Variants in SMAP2 observed in about 807,000 individuals in gnomAD.
The protein encoded by SMAP2 is small ArfGAP2.
SMAP2 carries 25 observed loss-of-function variants against 56.4 expected under a neutral mutation model. That is an observed-to-expected ratio of 0.44 (90% CI 0.32 to 0.62). The LOEUF (loss-of-function observed/expected upper bound fraction) is 0.62. SMAP2 is among the 20% of genes least tolerant of loss of function. The probability of loss-of-function intolerance (pLI) is 0.04; values close to 1 mark genes in which losing one functional copy is unlikely to be tolerated. For synonymous variants in SMAP2, 157 were observed against 181.7 expected (o/e 0.86, Z 1.09); for missense variants, 388 against 545.6 (o/e 0.71, Z 2.88).
chr1:40,353,814 C>T (rs1007427857), intron 1 of SMAP2, among the ~76,000 whole-genome samples: 4 of 151,690 alleles, frequency 2.6e-5, no homozygotes, highest in Admixed American at 1.3e-4. Context: ...TGGTCTTGAA[C>T]ATCTGACCTC....
chr1:40,379,635 C>A (rs973352165), intron 1 of SMAP2, among the ~76,000 whole-genome samples: 1 of 149,890 alleles, frequency 6.7e-6, no homozygotes, highest in African/African-American at 2.5e-5. Flanking sequence ...CAAACTCCCC[C>A]TCCCGGGTTC....
At chr1:40,407,300 C>G (rs999705611) in intron 2 of SMAP2, among the ~76,000 whole-genome samples, 1 of 152,082 alleles carries the variant, frequency 6.6e-6, no homozygotes, top group Admixed American at 6.5e-5. Context: ...GCCTGGGCAA[C>G]AGAGTGAGAC....
At chr1:40,393,696 C>T (rs1644741050) in intron 1 of SMAP2, among the ~76,000 whole-genome samples, 1 of 151,950 alleles carries the variant, frequency 6.6e-6, no homozygotes, top group South Asian at 2.1e-4. Flanking sequence ...CAGGCGTGAG[C>T]CACAATGCCT....
chr1:40,409,876 TG>T, intron 4 of SMAP2, 41 bp downstream of exon 4: 2 of 1,258,432 alleles, frequency 1.6e-6, no homozygotes, highest in Non-Finnish European at 1.2e-6. Context: ...CAATAAGTAA[TG>T]TGCTTATTAA....
chr1:40,391,161 G>A (rs770600114), intron 1 of SMAP2, among the ~76,000 whole-genome samples: 6 of 152,182 alleles, frequency 3.9e-5, no homozygotes, highest in Non-Finnish European at 8.8e-5. Context: ...GCCCCTTGAG[G>A]GGAAATCGTT....
At chr1:40,396,999 T>C (rs965519829) in intron 1 of SMAP2, 2 of 239,150 alleles carry the variant, frequency 8.4e-6, no homozygotes, top group Non-Finnish European at 1.4e-5. Flanking sequence ...AGAATTAATC[T>C]CTTATAAAAT....
At chr1:40,387,412 T>G (rs1222568673) in intron 1 of SMAP2, among the ~76,000 whole-genome samples, 1 of 152,216 alleles carries the variant, frequency 6.6e-6, no homozygotes, top group Non-Finnish European at 1.5e-5. Context: ...GTTATTTATG[T>G]GTTCAGATTT....
chr1:40,360,197 G>A (rs1205269218), intron 1 of SMAP2, among the ~76,000 whole-genome samples: 2 of 151,022 alleles, frequency 1.3e-5, no homozygotes, highest in Admixed American at 1.3e-4. Context: ...TAGTAGAGAC[G>A]GGGTTTCACC....
At chr1:40,358,323 A>T (rs762405083) in intron 1 of SMAP2, among the ~76,000 whole-genome samples, 1 of 151,854 alleles carries the variant, frequency 6.6e-6, no homozygotes, top group Non-Finnish European at 1.5e-5. Flanking sequence ...TAGGTGGATT[A>T]CTTGAGGTCA....
chr1:40,411,676 C>T (rs564054031), intron 4 of SMAP2, among the ~76,000 whole-genome samples: 7 of 151,934 alleles, frequency 4.6e-5, no homozygotes, highest in Non-Finnish European at 1.0e-4. Flanking sequence ...TAAGTGAAGA[C>T]GTTTAATATC....
intron 1 of SMAP2, among the ~76,000 whole-genome samples, chr1:40,400,208 C>T (rs1414145260): frequency 6.6e-6 from 1 of 152,100 alleles, no homozygotes; most frequent in African/African-American, 2.4e-5. Context: ...CATGTTGGTC[C>T]CTTGAGGAAA....
chr1:40,416,477 A>C (rs1569924433), intron 8 of SMAP2, 136 bp downstream of exon 8: 1 of 929,814 alleles, frequency 1.1e-6, no homozygotes, highest in East Asian at 2.5e-5. Context: ...AACATGACCA[A>C]CGTATCAGCA....
Position 40,389,856 on chromosome 1 carries a change from C to T in SMAP2, c.103+15633C>T, listed in dbSNP as rs374666722. ...CTCCTTGTGCCCACTGGAACAGGTT[C>T]GTTTAAAGAATCTTACTTGGGCTCT... On this transcript the variant is annotated intron_variant, in intron 1 of 9. Coordinates refer to ENST00000372718, the MANE Select transcript of SMAP2 (RefSeq NM_022733.3). Among the ~76,000 whole-genome samples, 61 of 152,276 alleles carry T rather than the reference C, an allele frequency of 4.0e-4. 1 individual carries two copies. The South Asian group carries it at 0.013, about 32-fold the overall frequency.
intron 1 of SMAP2, among the ~76,000 whole-genome samples, chr1:40,387,230 A>G (rs1644666142): frequency 6.6e-6 from 1 of 152,132 alleles, no homozygotes; most frequent in Non-Finnish European, 1.5e-5. Flanking sequence ...TTTGCTTAAC[A>G]TTTATTATAA....
At chr1:40,401,273 A>C (rs7525466) in intron 1 of SMAP2, among the ~76,000 whole-genome samples, 2 of 152,086 alleles carry the variant, frequency 1.3e-5, no homozygotes, top group African/African-American at 2.4e-5. Context: ...AAAACAAACA[A>C]ACACACACAA....
At chr1:40,417,913 A>G (rs150702167) in intron 9 of SMAP2, among the ~76,000 whole-genome samples, 2 of 152,330 alleles carry the variant, frequency 1.3e-5, no homozygotes, top group African/African-American at 4.8e-5. Context: ...CTTCACACCT[A>G]TTATTGCTGA....
chr1:40,407,751 A>G (rs1421705224), intron 2 of SMAP2, among the ~76,000 whole-genome samples: 1 of 152,210 alleles, frequency 6.6e-6, no homozygotes, highest in Non-Finnish European at 1.5e-5. Context: ...CCTTAAAAGT[A>G]TATTAAATAG....
At chr1:40,359,213 C>T (rs924248128) in intron 1 of SMAP2, among the ~76,000 whole-genome samples, 9 of 152,192 alleles carry the variant, frequency 5.9e-5, no homozygotes, top group Admixed American at 2.0e-4. Context: ...AGCAATTCTC[C>T]TGCCTCAGCC....
rs878949693 is a variant in SMAP2, at chr1:40,374,620, T to C, written c.103+397T>C. ...GCGTGTGTGTGTGTGTGTGTGTGTG[T>C]GTGTGAGAGAGAGAGAGAGAGAATG... On this transcript the variant is annotated intron_variant, in intron 1 of 9. Coordinates refer to ENST00000372718, the MANE Select transcript of SMAP2 (RefSeq NM_022733.3). The surrounding 1 kb of genome is among the most constrained non-coding windows in gnomAD (Gnocchi z 5.9). The C allele has an allele frequency of 7.5e-6, 10 of 1,341,462 alleles. No homozygotes were observed. The African/African-American group carries it at 1.4e-4, about 18-fold the overall frequency. 83.1% of individuals were successfully genotyped at this position (1,341,462 alleles called of 1,614,324 possible). A position where few individuals can be genotyped will look rare whatever the true frequency, so the allele number is the denominator to read the frequency against.
Sources: gnomAD v4.1 joint callset for allele counts (sites outside exome capture counted in the v4.1 genomes callset) on GRCh38, gnomAD v4.1.1 for gene constraint, Gnocchi (gnomAD v3.1) non-coding constraint, MANE v1.5 for transcripts, NCBI Gene and HGNC (gene_info 2026-07-23, HGNC 2026-07-21) for gene names.